NT5M: variants seen among roughly 807,000 people sequenced by gnomAD.
The protein encoded by NT5M is 5'(3')-deoxyribonucleotidase, mitochondrial.
In NT5M, 22 loss-of-function variants were observed where a neutral mutation model predicts 22.2. That is an observed-to-expected ratio of 0.99 (90% confidence interval 0.71 to 1.41). The LOEUF (loss-of-function observed/expected upper bound fraction) is 1.41. Ranked by LOEUF, NT5M falls within the 40% of genes most tolerant of loss-of-function variation. The pLI is 0.00. For missense variants in NT5M, 322 were observed against 314.8 expected (o/e 1.02, Z -0.17); for synonymous variants, 167 against 133.0 (o/e 1.26, Z -1.76).
At chr17:17,342,734 C>T (rs973479376) in intron 3 of NT5M, among the ~76,000 whole-genome samples, 6 of 152,178 alleles carry the variant, frequency 3.9e-5, no homozygotes, top group Admixed American at 6.5e-5. Context: ...CCTTGTCAGT[C>T]GGGTCCAGAG....
chr17:17,323,702 A>G (rs2049204699), intron 3 of NT5M, among the ~76,000 whole-genome samples: 1 of 152,160 alleles, frequency 6.6e-6, no homozygotes, highest in South Asian at 2.1e-4. Flanking sequence ...GTGGCCCTGG[A>G]GGAGAGCACT....
intron 3 of NT5M, among the ~76,000 whole-genome samples, chr17:17,334,840 T>A (rs2049470792): frequency 6.6e-6 from 1 of 152,206 alleles, no homozygotes; most frequent in Non-Finnish European, 1.5e-5. Context: ...ATTTTAAAAA[T>A]TGTTTTGGCT....
At chr17:17,325,087 A>G (rs2049237334) in intron 3 of NT5M, among the ~76,000 whole-genome samples, 1 of 152,124 alleles carries the variant, frequency 6.6e-6, no homozygotes, top group African/African-American at 2.4e-5. Context: ...GGGAGTAGCA[A>G]TGTGGGTCTG....
rs189027714 is a variant in NT5M, at chr17:17,334,198, G to A, written c.430-10596G>A. Reference sequence around the variant, plus strand: ...GCCAGGCTGGTGTCAAACTCCTGACGTCAAGTGATCCACCTGTCTTGGCCT... The same window carrying A: ...GCCAGGCTGGTGTCAAACTCCTGACATCAAGTGATCCACCTGTCTTGGCCT... On this transcript the variant is annotated intron_variant, in intron 3 of 4. Transcript: ENST00000389022. Among the ~76,000 whole-genome samples the A allele has an allele frequency of 5.8e-4, 88 of 151,866 alleles. 1 individual carries two copies. In the East Asian group the frequency reaches 0.015, roughly 25 times the overall value.
intron 3 of NT5M, among the ~76,000 whole-genome samples, chr17:17,329,943 G>C (rs959116967): frequency 6.6e-5 from 10 of 152,096 alleles, no homozygotes; most frequent in Admixed American, 6.6e-4. Flanking sequence ...CTGCATTACA[G>C]CCTTAGTGAC....
chr17:17,312,644 C>CAA (rs35712658), intron 2 of NT5M, among the ~76,000 whole-genome samples: 4,881 of 107,164 alleles, frequency 0.046, 168 homozygotes, highest in Non-Finnish European at 0.063. Context: ...AACTCCATCT[C>CAA]AAAAAAAAAA....
chr17:17,334,906 C>G (rs2049472028), intron 3 of NT5M, among the ~76,000 whole-genome samples: 1 of 152,130 alleles, frequency 6.6e-6, no homozygotes, highest in South Asian at 2.1e-4. Context: ...TCAGTTTCTA[C>G]AAAGAACCTG....
At chr17:17,307,351 C>T (rs918698209) in intron 2 of NT5M, among the ~76,000 whole-genome samples, 2 of 150,152 alleles carry the variant, frequency 1.3e-5, no homozygotes, top group Admixed American at 6.6e-5. Context: ...TGGCCGGGCA[C>T]GGTGGCTCAC....
intron 2 of NT5M, among the ~76,000 whole-genome samples, chr17:17,309,225 A>T (rs1476029192): frequency 6.6e-6 from 1 of 151,556 alleles, no homozygotes; most frequent in Non-Finnish European, 1.5e-5. Flanking sequence ...GCCTGGACTC[A>T]AATGATCCTC....
intron 3 of NT5M, among the ~76,000 whole-genome samples, chr17:17,330,379 C>CTT (rs35267848): frequency 0.012 from 1,690 of 138,602 alleles, 45 homozygotes; most frequent in African/African-American, 0.043. Flanking sequence ...AAAACGTAGA[C>CTT]TTTTTTTTTT....
intron 3 of NT5M, among the ~76,000 whole-genome samples, chr17:17,328,727 C>A (rs531377707): frequency 5.1e-4 from 77 of 152,290 alleles, no homozygotes; most frequent in African/African-American, 1.9e-3. Context: ...TCTTTCAAGA[C>A]CCAGTCAGAG....
At chr17:17,336,002 T>A in intron 3 of NT5M, among the ~76,000 whole-genome samples, 1 of 122,898 alleles carries the variant, frequency 8.1e-6, no homozygotes, top group Non-Finnish European at 1.7e-5. Flanking sequence ...TATTCATTCT[T>A]TTTTTTTTTT....
chr17:17,313,985 G>T (rs2048972103), intron 2 of NT5M, among the ~76,000 whole-genome samples: 1 of 152,056 alleles, frequency 6.6e-6, no homozygotes, highest in Non-Finnish European at 1.5e-5. Flanking sequence ...GCTTGGTTTG[G>T]AATATCTTCA....
chr17:17,338,677 G>GTTTT (rs59650601), intron 3 of NT5M, among the ~76,000 whole-genome samples: 4 of 73,210 alleles, frequency 5.5e-5, no homozygotes, highest in Admixed American at 1.6e-4. Context: ...AATGTTAAGG[G>GTTTT]TTTTTTTTTT....
Position 17,344,774 on chromosome 17 carries a change from C to T in NT5M, c.430-20C>T. The T allele has an allele frequency of 6.2e-7, 1 of 1,612,868 alleles. No individual in the cohort carries two copies. Among genetic ancestry groups the T allele is most frequent in the Non-Finnish European group, 8.5e-7 (1 of 1,179,176 alleles). ...ATGTCACTTTCTTCTCACCACCTGC[C>T]CTTGCCTGTTTGCGTCCAGTATGCC... is the stretch of plus-strand genomic sequence containing the variant. On this transcript the variant is annotated intron_variant, in intron 3 of 4. Transcript: ENST00000389022.
At chr17:17,309,675 CTTTT>C (rs34209605) in intron 2 of NT5M, among the ~76,000 whole-genome samples, 18 of 121,014 alleles carry the variant, frequency 1.5e-4, no homozygotes, top group Non-Finnish European at 1.9e-4. Flanking sequence ...GCTCAAGCAT[CTTTT>C]TTTTTTTTTT....
Position 17,347,159 on chromosome 17 carries a change from G to A in NT5M, c.*212G>A, listed in dbSNP as rs889209759. The A allele has an allele frequency of 9.5e-6, 6 of 631,074 alleles. No individual in the cohort carries two copies. The highest frequency in any genetic ancestry group is 1.6e-5 in the Non-Finnish European group (6 of 374,284). 39.1% of individuals were successfully genotyped at this position (631,074 alleles called of 1,614,324 possible). ...CCTCTGGGCGCTTGGACATAGACAC[G>A]TGGTCCCAGGCCGTTCAGCCTGACC... On this transcript the variant is annotated 3_prime_UTR_variant, in exon 5 of 5. Transcript: ENST00000389022.
intron 2 of NT5M, among the ~76,000 whole-genome samples, chr17:17,316,449 C>T (rs945888857): frequency 6.6e-6 from 1 of 151,472 alleles, no homozygotes; most frequent in South Asian, 2.1e-4. Context: ...GATCTTGGCT[C>T]GCTGCAACCT....
At chr17:17,304,466 A>T in intron 1 of NT5M, 2 of 982,040 alleles carry the variant, frequency 2.0e-6, no homozygotes, top group East Asian at 2.3e-4. Context: ...GGACGTTTAC[A>T]CACAGATCTT....
Sources: gnomAD v4.1 joint callset for allele counts (sites outside exome capture counted in the v4.1 genomes callset) on GRCh38, gnomAD v4.1.1 for gene constraint, MANE v1.5 for transcripts, NCBI Gene and HGNC (gene_info 2026-07-23, HGNC 2026-07-21) for gene names.